Variants in TOPAZ1 observed in about 807,000 individuals in gnomAD.
TOPAZ1 encodes the protein testis and ovary specific TOPAZ 1.
Under a neutral mutation model 172.2 loss-of-function variants are expected in TOPAZ1, and 66 were observed. The ratio of observed to expected loss-of-function variants is 0.38; its 90% confidence interval spans 0.31 to 0.47. TOPAZ1 has a LOEUF of 0.47. Ranked by LOEUF, TOPAZ1 falls within the 20% of genes least tolerant of loss-of-function variation. The pLI is 0.99. For missense variants in TOPAZ1, 1,822 were observed against 1,972.4 expected, an observed-to-expected ratio of 0.92 and a Z score of 1.44; for synonymous variants, 681 against 683.9, an observed-to-expected ratio of 1.00 and a Z score of 0.07.
In TOPAZ1 at chr3:44,254,948, C is replaced by T. The variant is rs1296109610; in HGVS notation, c.2766-20C>T. 2.6e-6 allele frequency: 4 copies of T among 1,529,808 alleles called. No homozygotes were observed. The African/African-American group carries it at 4.1e-5, about 16-fold the overall frequency. 94.8% of individuals were successfully genotyped at this position (1,529,808 alleles called of 1,614,324 possible). ...CTTAGAATCTATTATAATGTTTAAG[C>T]TCTGTTTGCTTTATAATAGAGAACT... On this transcript the variant is annotated intron_variant, in intron 2 of 19. Coordinates refer to ENST00000309765, the MANE Select transcript of TOPAZ1 (RefSeq NM_001145030.2).
chr3:44,308,182 C>T (rs1252813726), intron 15 of TOPAZ1, among the ~76,000 whole-genome samples: 5 of 151,956 alleles, frequency 3.3e-5, no homozygotes, highest in South Asian at 2.1e-4. Context: ...TGCTTGAACC[C>T]GGGAGGCGGA....
chr3:44,291,695 T>TA lies in TOPAZ1; in HGVS notation c.3797+823dup, dbSNP rs200756712. 3.7e-3 allele frequency among the ~76,000 whole-genome samples: 509 copies of TA among 137,098 alleles called. 5 individuals carry two copies. Among genetic ancestry groups the TA allele is most frequent in the African/African-American group, 0.01 (390 of 37,506 alleles). The allele number at this position is 137,098 out of a possible 152,430, so 89.9% of individuals were successfully genotyped here. A position where few individuals can be genotyped will look rare whatever the true frequency, so the allele number is the denominator to read the frequency against. On this transcript the variant is annotated intron_variant, in intron 12 of 19. Transcript: ENST00000309765. ...ACCAAGAAAAAGGAAGGCCATGACTTAAAAAAAAAAAAAATCAAAGTATAA... is the reference window on the plus strand; with the variant it reads ...ACCAAGAAAAAGGAAGGCCATGACTTAAAAAAAAAAAAAAATCAAAGTATAA...
chr3:44,269,083 A>G (rs1277530575), intron 6 of TOPAZ1, 133 bp from the exon 7 acceptor site: 4 of 648,778 alleles, frequency 6.2e-6, no homozygotes, highest in Non-Finnish European at 1.1e-5. Flanking sequence ...ACATGGCAGC[A>G]CAGTCTGTGA....
chr3:44,268,008 T>A (rs1357290910), intron 6 of TOPAZ1, among the ~76,000 whole-genome samples: 1 of 152,172 alleles, frequency 6.6e-6, no homozygotes, highest in Non-Finnish European at 1.5e-5. Context: ...GCTGCCAAAG[T>A]AAAAAATAAA....
chr3:44,282,071 T>C, intron 9 of TOPAZ1, 40 bp downstream of exon 9: 1 of 1,311,880 alleles, frequency 7.6e-7, no homozygotes, highest in Non-Finnish European at 1.0e-6. Flanking sequence ...GCTATTAATG[T>C]GTTGTTTGAA....
At chr3:44,250,906 TATAGTGTGGC>T (rs1699622696) in intron 2 of TOPAZ1, among the ~76,000 whole-genome samples, 1 of 152,068 alleles carries the variant, frequency 6.6e-6, no homozygotes, top group Non-Finnish European at 1.5e-5. Context: ...GACCTAACAG[TATAGTGTGGC>T]ATCAGGCTAG....
rs1315347839 is a variant in TOPAZ1 at position 44,331,821 on chromosome 3, A to C, written c.4889A>C (p.Asp1630Ala). Residue 1630 changes from aspartate (D) to alanine (A), a missense_variant, in exon 20 of 20, where the codon GAT becomes GCT. Coordinates refer to ENST00000309765, the MANE Select transcript of TOPAZ1 (RefSeq NM_001145030.2). ...GAAGACAACCAGTCTCGGAGCAATG[A>C]TGATTATCAAGCTGCAGTAGAAAGG... is the stretch of plus-strand genomic sequence containing the variant. ...RCEDNQSRSN[D>A]DYQAAVERLI... The C allele has an allele frequency of 3.9e-6, 6 of 1,552,012 alleles. No homozygotes were observed. Among genetic ancestry groups the C allele is most frequent in the African/African-American group, 1.4e-5 (1 of 73,058 alleles).
At chr3:44,280,981 C>A (rs1453945708) in intron 8 of TOPAZ1, among the ~76,000 whole-genome samples, 1 of 152,188 alleles carries the variant, frequency 6.6e-6, no homozygotes, top group South Asian at 2.1e-4. Context: ...CTCTTCCTCT[C>A]TGGAGCAGTG....
rs1160543787 is a variant in TOPAZ1 at position 44,256,261 on chromosome 3, T to C, written c.2938T>C (p.Ser980Pro). ...LGDFSEQIKG[S>P]DLDEKHRFTD... ...AGACTTCAGTGAACAAATAAAAGGT[T>C]CAGACTTGGATGAAAAGGTACTAGG... The change falls in exon 4 of 20, where the codon TCA becomes CCA. Residue 980 changes from serine to proline, a missense_variant. By Grantham distance (74) the Ser-to-Pro change is moderately conservative. Coordinates refer to ENST00000309765, the MANE Select transcript of TOPAZ1 (RefSeq NM_001145030.2). 2 of 1,522,734 alleles carry C rather than the reference T, an allele frequency of 1.3e-6. No individual in the cohort carries two copies. The highest frequency in any genetic ancestry group is 1.3e-5 in the South Asian group (1 of 77,754). 94.3% of individuals were successfully genotyped at this position (1,522,734 alleles called of 1,614,324 possible).
At chr3:44,299,317 A>G (rs928013889) in intron 12 of TOPAZ1, among the ~76,000 whole-genome samples, 2 of 152,150 alleles carry the variant, frequency 1.3e-5, no homozygotes, top group Admixed American at 6.5e-5. Flanking sequence ...GTCTCAAAAG[A>G]AGACATTTAT....
At position 44,318,825 on chromosome 3, in the gene TOPAZ1, T is replaced by G. The variant is rs1700479656; in HGVS notation, c.4307-2202T>G. Among the ~76,000 whole-genome samples, 3 of 147,768 alleles carry G rather than the reference T, an allele frequency of 2.0e-5. No homozygotes were observed. The Admixed American group carries it at 2.0e-4, about 10-fold the overall frequency. On this transcript the variant is annotated intron_variant, in intron 16 of 19. Coordinates refer to ENST00000309765, the MANE Select transcript of TOPAZ1 (RefSeq NM_001145030.2). ...ATATTTTATTTATATATAATATATA[T>G]TTTATATAATTATATTAAATGTATA...
chr3:44,245,567 C>A (rs968204626), intron 2 of TOPAZ1, among the ~76,000 whole-genome samples: 1 of 117,364 alleles, frequency 8.5e-6, no homozygotes, highest in South Asian at 3.1e-4. Context: ...AACGGAGTCT[C>A]GCTCTGTCAC....
intron 2 of TOPAZ1, among the ~76,000 whole-genome samples, chr3:44,250,984 T>A (rs1371392992): frequency 1.3e-5 from 2 of 152,222 alleles, no homozygotes; most frequent in Non-Finnish European, 2.9e-5. Context: ...GGGCCACTAC[T>A]ACTTGCATAA....
At chr3:44,334,941 G>T (rs958504389), downstream of TOPAZ1, among the ~76,000 whole-genome samples, 9 of 152,118 alleles carry the variant, frequency 5.9e-5, no homozygotes, top group African/African-American at 2.2e-4. Context: ...TTTTGCGATT[G>T]TGAGGGAGGC....
chr3:44,255,531 A>G (rs1699688200), intron 3 of TOPAZ1, among the ~76,000 whole-genome samples: 1 of 151,798 alleles, frequency 6.6e-6, no homozygotes, highest in South Asian at 2.1e-4. Flanking sequence ...AGGCACCTGT[A>G]GTCCCAGCTA....
intron 2 of TOPAZ1, among the ~76,000 whole-genome samples, chr3:44,253,835 G>A (rs974801874): frequency 1.3e-5 from 2 of 152,198 alleles, no homozygotes; most frequent in African/African-American, 4.8e-5. Context: ...TCTTGGCTAG[G>A]AAGTAATTCT....
chr3:44,305,378 T>G (rs1184927015), intron 14 of TOPAZ1, 57 bp downstream of exon 14: 1 of 1,416,530 alleles, frequency 7.1e-7, no homozygotes, highest in Non-Finnish European at 9.3e-7. Context: ...GTTTTCTTTT[T>G]TGTTTTTTAG....
chr3:44,281,575 C>A (rs565488430), intron 8 of TOPAZ1, among the ~76,000 whole-genome samples: 1 of 152,086 alleles, frequency 6.6e-6, no homozygotes, highest in Non-Finnish European at 1.5e-5. Context: ...AGAAGAGAAT[C>A]AAGATACAAT....
Position 44,242,324 on chromosome 3 carries a change from C to T in TOPAZ1, c.271C>T (p.Pro91Ser), listed in dbSNP as rs974117917. ...GGAGGGGCGCAGGGGCCCGGTGAGC[C>T]CGTCAGACTCGTCAGACCCGCGAGG... ...QVEGRRGPVS[P>S]SDSSDPRGLE... Residue 91 changes from proline to serine, a missense_variant, in exon 1 of 20, where the codon CCG becomes TCG. Coordinates refer to ENST00000309765, the MANE Select transcript of TOPAZ1 (RefSeq NM_001145030.2). 6.4e-6 allele frequency: 10 copies of T among 1,551,758 alleles called. No individual in the cohort carries two copies. In the Admixed American group the frequency reaches 2.0e-4, roughly 30 times the overall value.
Sources: allele counts gnomAD v4.1 joint callset (sites outside exome capture counted in the v4.1 genomes callset), GRCh38; gene constraint gnomAD v4.1.1; transcripts MANE v1.5; gene names NCBI Gene and HGNC (gene_info 2026-07-23, HGNC 2026-07-21).